Variants in CREM observed in about 807,000 individuals in gnomAD.
CREM encodes the protein cAMP-responsive element modulator.
A neutral mutation model predicts 37.3 loss-of-function variants in CREM; 13 were observed. The observed-to-expected ratio is 0.35, with a 90% CI of 0.23 to 0.55. CREM has a LOEUF of 0.55. Ranked by LOEUF, CREM falls within the 20% of genes least tolerant of loss-of-function variation. The probability of loss-of-function intolerance (pLI) is 0.88; values close to 1 mark genes in which losing one functional copy is unlikely to be tolerated. For missense variants in CREM, 296 were observed against 362.3 expected, an observed-to-expected ratio of 0.82 and a Z score of 1.49; for synonymous variants, 124 against 120.2, an observed-to-expected ratio of 1.03 and a Z score of -0.21.
At position 35,164,107 on chromosome 10, in the gene CREM, T is replaced by TA. The variant is rs1198691341; in HGVS notation, c.169-14781dup. On this transcript the variant is annotated intron_variant, in intron 3 of 7. Coordinates refer to ENST00000685392, the MANE Select transcript of CREM (RefSeq NM_183011.2). Reference sequence around the variant, plus strand: ...TATTTTAATACTAGATTAAAGTTGATACTAATTTTATGCAGTTTTAAGTAT... The same window carrying TA: ...TATTTTAATACTAGATTAAAGTTGATAACTAATTTTATGCAGTTTTAAGTAT... 3.3e-5 allele frequency among the ~76,000 whole-genome samples: 5 copies of TA among 152,362 alleles called. No individual in the cohort carries two copies. In the East Asian group the frequency reaches 9.6e-4, roughly 29 times the overall value.
At chr10:35,190,576 G>T (rs12775548) in intron 6 of CREM, among the ~76,000 whole-genome samples, 46,811 of 151,874 alleles carry the variant, frequency 0.31, 7,520 homozygotes, top group South Asian at 0.35. Flanking sequence ...TTTTGTGCAC[G>T]ATTATTCTTT....
intron 6 of CREM, among the ~76,000 whole-genome samples, chr10:35,200,858 T>G (rs1017954269): frequency 6.6e-6 from 1 of 152,244 alleles, no homozygotes; most frequent in Non-Finnish European, 1.5e-5. Context: ...TGCTCAGTAC[T>G]ACAGATATCT....
chr10:35,132,253 C>CG (rs2089569992), intron 1 of CREM, among the ~76,000 whole-genome samples: 2 of 147,872 alleles, frequency 1.4e-5, no homozygotes, highest in South Asian at 4.3e-4. Flanking sequence ...GTGGTGGTGG[C>CG]GGGGGAGGGA....
chr10:35,148,517 A>G lies in CREM; in HGVS notation c.168+26A>G, dbSNP rs369013471. ...GTAGGCAATAGGCAGGCACCGTTGA[A>G]AGTCAAAATATATGGAAATGAGAAT... is the stretch of plus-strand genomic sequence containing the variant. On this transcript the variant is annotated intron_variant, in intron 3 of 7. Coordinates refer to ENST00000685392, the MANE Select transcript of CREM (RefSeq NM_183011.2). 2.9e-5 allele frequency: 46 copies of G among 1,593,602 alleles called. No individual in the cohort carries two copies. In the African/African-American group the frequency reaches 5.9e-4, roughly 21 times the overall value.
At chr10:35,149,889 A>AACACACACACACACACACACACACACAC (rs55971717) in intron 3 of CREM, among the ~76,000 whole-genome samples, 12 of 111,920 alleles carry the variant, frequency 1.1e-4, no homozygotes, top group South Asian at 3.3e-4. Flanking sequence ...CTTTTGCTTA[A>AACACACACACACACACACACACACACAC]ACACACACAC....
chr10:35,137,422 G>A (rs1323634959), intron 1 of CREM, among the ~76,000 whole-genome samples: 3 of 152,046 alleles, frequency 2.0e-5, no homozygotes, highest in Non-Finnish European at 4.4e-5. Context: ...TAAAAATAGA[G>A]CTGATACCTA....
chr10:35,196,061 G>A (rs746786210), intron 6 of CREM: 1 of 1,614,156 alleles, frequency 6.2e-7, no homozygotes. Context: ...AAACTGTAAT[G>A]CATGAACAGA....
At chr10:35,141,548 A>G (rs1375607225) in intron 2 of CREM, among the ~76,000 whole-genome samples, 2 of 152,136 alleles carry the variant, frequency 1.3e-5, no homozygotes, top group Non-Finnish European at 2.9e-5. Context: ...ATTTCCTGAG[A>G]TAGGGAACTC....
intron 3 of CREM, among the ~76,000 whole-genome samples, chr10:35,152,837 TG>T (rs2092680172): frequency 6.6e-6 from 1 of 152,206 alleles, no homozygotes; most frequent in African/African-American, 2.4e-5. Flanking sequence ...GAAATAATAT[TG>T]TTTTTAAATG....
chr10:35,153,114 T>C (rs1210821686), intron 3 of CREM, among the ~76,000 whole-genome samples: 2 of 152,092 alleles, frequency 1.3e-5, no homozygotes, highest in African/African-American at 4.8e-5. Flanking sequence ...TGTGATGGCA[T>C]GCCCTTGTAG....
intron 3 of CREM, among the ~76,000 whole-genome samples, chr10:35,151,167 CTTG>C (rs1459501052): frequency 6.6e-6 from 1 of 152,096 alleles, no homozygotes; most frequent in Non-Finnish European, 1.5e-5. Context: ...ATTATAGAGA[CTTG>C]TGAGAAGGCA....
intron 3 of CREM, chr10:35,154,273 A>T: frequency 2.6e-6 from 1 of 389,866 alleles, no homozygotes; most frequent in Non-Finnish European, 4.5e-6. Context: ...CCTAGGAAGG[A>T]TGTAGATGGC....
intron 6 of CREM, among the ~76,000 whole-genome samples, chr10:35,188,691 G>A (rs12762124): frequency 0.14 from 20,032 of 146,222 alleles, 1,528 homozygotes; most frequent in South Asian, 0.2. Context: ...ATGGAGTCTC[G>A]CTCTGGCGCC....
chr10:35,133,080 T>A (rs1302931478), intron 1 of CREM, among the ~76,000 whole-genome samples: 1 of 152,150 alleles, frequency 6.6e-6, no homozygotes, highest in Non-Finnish European at 1.5e-5. Flanking sequence ...TTCTTTTTCT[T>A]TTGAGTATGC....
intron 3 of CREM, among the ~76,000 whole-genome samples, chr10:35,150,294 G>A (rs140824098): frequency 2.0e-5 from 3 of 151,878 alleles, no homozygotes; most frequent in African/African-American, 7.3e-5. Context: ...TTCCCAAAGT[G>A]CTGGAATTAC....
chr10:35,134,910 C>T (rs576838451), intron 1 of CREM, among the ~76,000 whole-genome samples: 2 of 151,906 alleles, frequency 1.3e-5, no homozygotes, highest in South Asian at 2.1e-4. Context: ...TGGTGGCATG[C>T]GCCTGTAATC....
At chr10:35,178,477 G>A (rs1356726427) in intron 3 of CREM, among the ~76,000 whole-genome samples, 1 of 152,212 alleles carries the variant, frequency 6.6e-6, no homozygotes, top group African/African-American at 2.4e-5. Flanking sequence ...GAGAGTGTGG[G>A]AACAGCAGTG....
intron 3 of CREM, chr10:35,167,893 TTA>T (rs991303909): frequency 8.3e-7 from 1 of 1,212,034 alleles, no homozygotes; most frequent in African/African-American, 1.5e-5. Context: ...AACATCCATT[TTA>T]TGTTTTAGTT....
At chr10:35,187,299 G>A (rs2094690552) in intron 5 of CREM, among the ~76,000 whole-genome samples, 1 of 134,470 alleles carries the variant, frequency 7.4e-6, no homozygotes, top group Non-Finnish European at 1.5e-5. Context: ...AGTCTCTGTT[G>A]CCCAGGCTGG....
Sources: gnomAD v4.1 joint callset for allele counts (sites outside exome capture counted in the v4.1 genomes callset) on GRCh38, gnomAD v4.1.1 for gene constraint, MANE v1.5 for transcripts, NCBI Gene and HGNC (gene_info 2026-07-23, HGNC 2026-07-21) for gene names.